The following ATP6V1C2 variants were observed in gnomAD, a reference collection of about 807,000 sequenced individuals.
The protein encoded by ATP6V1C2 is ATPase H+ transporting V1 subunit C2.
Under a neutral mutation model 56.8 loss-of-function variants are expected in ATP6V1C2, and 45 were observed. The ratio of observed to expected loss-of-function variants is 0.79; its 90% CI spans 0.62 to 1.02. ATP6V1C2 has a LOEUF of 1.02. ATP6V1C2 is among the 50% of genes least tolerant of loss of function. The pLI, the probability that ATP6V1C2 is intolerant of heterozygous loss-of-function variation, is 0.00. For missense variants in ATP6V1C2, 463 were observed against 519.7 expected, an observed-to-expected ratio of 0.89 and a Z score of 1.06; for synonymous variants, 220 against 201.3, an observed-to-expected ratio of 1.09 and a Z score of -0.79.
At chr2:10,777,506 C>A in intron 10 of ATP6V1C2, 79 bp from the exon 11 acceptor site, 1 of 1,559,392 alleles carries the variant, frequency 6.4e-7, no homozygotes, top group South Asian at 1.2e-5. Context: ...TCTCGCGTGC[C>A]TTTCAGGCGA....
At chr2:10,766,414 G>T (rs1237398834) in intron 5 of ATP6V1C2, among the ~76,000 whole-genome samples, 1 of 152,192 alleles carries the variant, frequency 6.6e-6, no homozygotes, top group African/African-American at 2.4e-5. Context: ...AGGAGCTTAT[G>T]TCAGGTCACA....
At chr2:10,776,483 A>C (rs1028148212) in intron 10 of ATP6V1C2, among the ~76,000 whole-genome samples, 7 of 152,148 alleles carry the variant, frequency 4.6e-5, no homozygotes, top group African/African-American at 1.7e-4. Context: ...ACAGACCCAG[A>C]CACCAGGCAG....
chr2:10,732,314 A>G (rs1486396886), intron 3 of ATP6V1C2, among the ~76,000 whole-genome samples: 1 of 151,812 alleles, frequency 6.6e-6, no homozygotes, highest in Non-Finnish European at 1.5e-5. Flanking sequence ...GCTGAAGCGC[A>G]GTGGCGTGAT....
At chr2:10,741,066 G>A (rs1466950383) in intron 3 of ATP6V1C2, among the ~76,000 whole-genome samples, 4 of 152,248 alleles carry the variant, frequency 2.6e-5, no homozygotes, top group Non-Finnish European at 5.9e-5. Flanking sequence ...CTTGGCCAAT[G>A]AGAATTCCGT....
In ATP6V1C2 at chr2:10,722,815, TCTGGGCAGTCA is replaced by T. The variant is rs1465633507; in HGVS notation, c.-26-3_-19del. On this transcript the variant is annotated splice_acceptor_variant and splice_polypyrimidine_tract_variant and 5_prime_UTR_variant and intron_variant, in exon 2 of 14. Coordinates refer to ENST00000272238, the MANE Select transcript of ATP6V1C2 (RefSeq NM_001039362.2). LOFTEE classifies it low-confidence loss of function (5UTR_SPLICE). ...TCTGTTTGTGTATGTTTGTCCTGGT[TCTGGGCAGTCA>T]CTGGGTAAGAGAAGACTGGAAGCAT... 3.7e-6 allele frequency: 6 copies of T among 1,612,470 alleles called. No homozygotes were observed. The highest frequency in any genetic ancestry group is 5.1e-6 in the Non-Finnish European group (6 of 1,179,192).
At chr2:10,726,938 G>T (rs1240271747) in intron 3 of ATP6V1C2, among the ~76,000 whole-genome samples, 1 of 152,106 alleles carries the variant, frequency 6.6e-6, no homozygotes, top group African/African-American at 2.4e-5. Flanking sequence ...GAGGCCCGGG[G>T]CAGTGGCTCA....
chr2:10,729,159 A>G (rs1661820915), intron 3 of ATP6V1C2, among the ~76,000 whole-genome samples: 1 of 150,640 alleles, frequency 6.6e-6, no homozygotes, highest in South Asian at 2.1e-4. Flanking sequence ...TCTGGTGTAT[A>G]ATCATTGGAA....
chr2:10,721,567 T>G (rs1008334988), upstream of ATP6V1C2: 2 of 151,680 alleles, frequency 1.3e-5, no homozygotes, highest in African/African-American at 4.8e-5. Flanking sequence ...TATGCAAATA[T>G]CCTGCGGGGC....
At chr2:10,773,603 G>A (rs530814247) in intron 8 of ATP6V1C2, among the ~76,000 whole-genome samples, 2 of 152,200 alleles carry the variant, frequency 1.3e-5, no homozygotes, top group South Asian at 4.2e-4. Flanking sequence ...GGCTGGTCTC[G>A]AACTCCTGAC....
intron 5 of ATP6V1C2, among the ~76,000 whole-genome samples, chr2:10,764,868 G>A (rs887909379): frequency 5.3e-5 from 8 of 152,130 alleles, no homozygotes; most frequent in African/African-American, 1.7e-4. Flanking sequence ...CTGCTCGGGA[G>A]GTTGAGGCAG....
At chr2:10,751,877 G>A (rs1390171434) in intron 3 of ATP6V1C2, among the ~76,000 whole-genome samples, 1 of 152,140 alleles carries the variant, frequency 6.6e-6, no homozygotes, top group Non-Finnish European at 1.5e-5. Flanking sequence ...GGAGGCTGAG[G>A]CCTGAGGATC....
intron 4 of ATP6V1C2, among the ~76,000 whole-genome samples, chr2:10,758,809 C>T (rs1663710561): frequency 1.3e-5 from 2 of 152,110 alleles, no homozygotes; most frequent in Non-Finnish European, 2.9e-5. Flanking sequence ...ACTGTAGTCC[C>T]AGGCGTGTGC....
At chr2:10,759,901 TG>T (rs1663797077) in intron 4 of ATP6V1C2, among the ~76,000 whole-genome samples, 1 of 152,244 alleles carries the variant, frequency 6.6e-6, no homozygotes, top group African/African-American at 2.4e-5. Flanking sequence ...GGCATTTAAA[TG>T]TGAGCCTTAC....
At chr2:10,734,665 A>G (rs1413230378) in intron 3 of ATP6V1C2, among the ~76,000 whole-genome samples, 2 of 152,242 alleles carry the variant, frequency 1.3e-5, no homozygotes, top group South Asian at 2.1e-4. Flanking sequence ...AGATCCATCA[A>G]CTTGCCATTA....
chr2:10,774,869 C>T lies in ATP6V1C2; in HGVS notation c.720C>T (p.Ala240=), dbSNP rs766690029. The part of the protein sequence containing the change: ...RKVIEDFKTK[A]KENKFTVREF... ...TGATTGAAGATTTCAAAACCAAGGC[C>T]AAAGAAAACAAGTAAGGGTCCTCCA... is the stretch of plus-strand genomic sequence containing the variant. Residue 240 remains alanine (A), a synonymous_variant, in exon 9 of 14, where the codon GCC becomes GCT. Coordinates refer to ENST00000272238, the MANE Select transcript of ATP6V1C2 (RefSeq NM_001039362.2). 1 of 1,614,126 alleles carries T rather than the reference C, an allele frequency of 6.2e-7. No homozygotes were observed. Among genetic ancestry groups the T allele is most frequent in the Non-Finnish European group, 8.5e-7 (1 of 1,179,988 alleles).
At chr2:10,751,477 A>G (rs1250151477) in intron 3 of ATP6V1C2, among the ~76,000 whole-genome samples, 2 of 152,238 alleles carry the variant, frequency 1.3e-5, no homozygotes, top group African/African-American at 4.8e-5. Flanking sequence ...TTAGTTAGGT[A>G]ACTTACCTGA....
chr2:10,723,100 G>T, intron 2 of ATP6V1C2, 122 bp downstream of exon 2: 1 of 1,246,382 alleles, frequency 8.0e-7, no homozygotes. Context: ...GGGCTCTGAG[G>T]ACAAGCTGAG....
At chr2:10,783,121 A>G (rs1665494890) in intron 13 of ATP6V1C2, 53 bp from the exon 14 acceptor site, 2 of 1,432,934 alleles carry the variant, frequency 1.4e-6, no homozygotes, top group Non-Finnish European at 2.0e-6. Flanking sequence ...CTAAAAGGAT[A>G]AGACAGGAAA....
At chr2:10,766,573 A>AT (rs201260928) in intron 5 of ATP6V1C2, among the ~76,000 whole-genome samples, 2,822 of 151,978 alleles carry the variant, frequency 0.019, 85 homozygotes, top group African/African-American at 0.061. Flanking sequence ...GACAAGCAGT[A>AT]TTTTTTTTCG....
Sources: allele counts gnomAD v4.1 joint callset (sites outside exome capture counted in the v4.1 genomes callset), GRCh38; gene constraint gnomAD v4.1.1; transcripts MANE v1.5; gene names NCBI Gene and HGNC (gene_info 2026-07-23, HGNC 2026-07-21).